ZPLD1: variants seen among roughly 807,000 people sequenced by gnomAD.
The protein encoded by ZPLD1 is zona pellucida-like domain-containing protein 1.
Under a neutral mutation model 47.2 loss-of-function variants are expected in ZPLD1, and 34 were observed. The observed-to-expected ratio is 0.72, with a 90% CI of 0.55 to 0.96. The LOEUF (loss-of-function observed/expected upper bound fraction) is 0.96, where lower values mean the gene tolerates loss of function less well. ZPLD1 is among the 40% of genes least tolerant of loss of function. The probability of loss-of-function intolerance (pLI) is 0.00; values close to 1 mark genes in which losing one functional copy is unlikely to be tolerated. For synonymous variants in ZPLD1, 176 were observed against 186.2 expected (o/e 0.95, Z 0.45); for missense variants, 512 against 505.8 (o/e 1.01, Z -0.12).
intron 7 of ZPLD1, among the ~76,000 whole-genome samples, chr3:102,410,090 T>C (rs868161410): frequency 4.6e-5 from 7 of 151,888 alleles, no homozygotes; most frequent in Admixed American, 1.3e-4. Context: ...CCTCCTGTTT[T>C]AATTTCATAT....
intron 8 of ZPLD1, among the ~76,000 whole-genome samples, chr3:102,425,126 C>G (rs915573169): frequency 1.3e-5 from 2 of 152,014 alleles, no homozygotes; most frequent in Non-Finnish European, 2.9e-5. Flanking sequence ...CTAATCTCTG[C>G]TCTTCTTCAA....
At chr3:102,417,187 C>T (rs914150990) in intron 7 of ZPLD1, among the ~76,000 whole-genome samples, 1 of 151,890 alleles carries the variant, frequency 6.6e-6, no homozygotes, top group African/African-American at 2.4e-5. Context: ...ACCGTTAGCG[C>T]AATGTGCTTT....
chr3:102,427,276 T>C (rs1043352353), intron 8 of ZPLD1, among the ~76,000 whole-genome samples: 1 of 152,160 alleles, frequency 6.6e-6, no homozygotes, highest in Non-Finnish European at 1.5e-5. Flanking sequence ...AATTTTAATT[T>C]TACCATTTTT....
chr3:102,470,521 C>G lies in ZPLD1; in HGVS notation c.1042+19C>G, dbSNP rs770200425. The stretch of plus-strand genomic sequence containing the variant: ...CGGAGTGGTAAGTGTGCTCCTCCTT[C>G]TGTATGTAGTAATAGACGGTTCCAA... On this transcript the variant is annotated intron_variant, in intron 10 of 11. Transcript: ENST00000466937. 8.7e-6 allele frequency: 14 copies of G among 1,601,636 alleles called. No homozygotes were observed. The South Asian group carries it at 1.5e-4, about 18-fold the overall frequency.
chr3:102,455,289 G>T (rs936429769), intron 4 of ZPLD1, among the ~76,000 whole-genome samples: 1 of 152,152 alleles, frequency 6.6e-6, no homozygotes, highest in Non-Finnish European at 1.5e-5. Context: ...GAACTCTCTG[G>T]TATTATGAAG....
chr3:102,396,716 A>G (rs1576124481), intron 7 of ZPLD1, among the ~76,000 whole-genome samples: 1 of 152,122 alleles, frequency 6.6e-6, no homozygotes, highest in Non-Finnish European at 1.5e-5. Context: ...GGTGCTGGCT[A>G]AAGCCTGAGC....
At chr3:102,467,636 G>A (rs1707616516) in intron 8 of ZPLD1, among the ~76,000 whole-genome samples, 1 of 151,792 alleles carries the variant, frequency 6.6e-6, no homozygotes, top group South Asian at 2.1e-4. Context: ...AAATAGTATT[G>A]GACCTATACT....
intron 8 of ZPLD1, among the ~76,000 whole-genome samples, chr3:102,419,227 T>A (rs1405755050): frequency 6.6e-6 from 1 of 152,014 alleles, no homozygotes; most frequent in Non-Finnish European, 1.5e-5. Context: ...TCTCTATTAT[T>A]TCATTTTTCA....
intron 11 of ZPLD1, 98 bp downstream of exon 11, chr3:102,477,139 T>A (rs1286061888): frequency 7.3e-6 from 10 of 1,371,360 alleles, no homozygotes; most frequent in Non-Finnish European, 9.3e-6. Flanking sequence ...GTTTTCCAAG[T>A]TTGGTCCATT....
chr3:102,470,801 C>T lies in ZPLD1; in HGVS notation c.1042+299C>T, dbSNP rs182975178. The stretch of plus-strand genomic sequence containing the variant: ...GTTTTATTTATTTATTTATTTGAGA[C>T]GGAGTGTCTCTCTGTTGTCCAGGCT... On this transcript the variant is annotated intron_variant, in intron 10 of 11. Coordinates refer to ENST00000466937, the MANE Select transcript of ZPLD1 (RefSeq NM_001329788.2). 3.3e-4 allele frequency among the ~76,000 whole-genome samples: 50 copies of T among 151,846 alleles called. 1 individual carries two copies. The highest frequency in any genetic ancestry group is 1.2e-3 in the African/African-American group (49 of 41,360).
intron 6 of ZPLD1, among the ~76,000 whole-genome samples, chr3:102,388,641 C>G (rs1050648355): frequency 6.6e-6 from 1 of 152,070 alleles, no homozygotes; most frequent in Admixed American, 6.6e-5. Flanking sequence ...AGTCTTGCCT[C>G]CAATACCTTA....
In ZPLD1 at chr3:102,478,595, C is replaced by T. The variant is rs1707794485; in HGVS notation, c.*977C>T. On this transcript the variant is annotated 3_prime_UTR_variant, in exon 12 of 12. Transcript: ENST00000466937. ...TTGGAATCTACATAAAAAGATATTC[C>T]TTCCCCCATATTTTCGATGCCAGGC... 1 of 149,224 alleles carries T rather than the reference C, an allele frequency of 6.7e-6. No individual in the cohort carries two copies. Among genetic ancestry groups the T allele is most frequent in the Non-Finnish European group, 1.5e-5 (1 of 66,940 alleles). 9.2% of individuals were successfully genotyped at this position (149,224 alleles called of 1,614,324 possible). A position where few individuals can be genotyped will look rare whatever the true frequency, so the allele number is the denominator to read the frequency against.
chr3:102,412,811 C>T (rs1475074483), intron 7 of ZPLD1, among the ~76,000 whole-genome samples: 2 of 151,376 alleles, frequency 1.3e-5, no homozygotes, highest in Non-Finnish European at 3.0e-5. Flanking sequence ...GTATATATCC[C>T]TATATATACA....
intron 3 of ZPLD1, among the ~76,000 whole-genome samples, chr3:102,445,130 C>T (rs1159507208): frequency 2.0e-5 from 3 of 152,166 alleles, no homozygotes; most frequent in Non-Finnish European, 2.9e-5. Flanking sequence ...TCTGCTTCCT[C>T]CGGGTATTAA....
intron 8 of ZPLD1, among the ~76,000 whole-genome samples, chr3:102,419,005 G>A (rs955041172): frequency 6.6e-6 from 1 of 151,976 alleles, no homozygotes; most frequent in South Asian, 2.1e-4. Context: ...CTATGTTCAT[G>A]TATTTGAGAT....
At chr3:102,422,509 AGAAT>A (rs1284208977) in intron 8 of ZPLD1, among the ~76,000 whole-genome samples, 2 of 152,074 alleles carry the variant, frequency 1.3e-5, no homozygotes, top group African/African-American at 4.8e-5. Context: ...CTGCTATTAT[AGAAT>A]GATGCATAGA....
At chr3:102,474,595 T>TG (rs1296997254) in intron 10 of ZPLD1, among the ~76,000 whole-genome samples, 2 of 151,688 alleles carry the variant, frequency 1.3e-5, no homozygotes, top group Middle Eastern at 3.2e-3. Context: ...GTTATTAAAG[T>TG]TTTTTAAAAA....
At chr3:102,448,375 T>G (rs1274353624) in intron 3 of ZPLD1, among the ~76,000 whole-genome samples, 1 of 152,236 alleles carries the variant, frequency 6.6e-6, no homozygotes, top group African/African-American at 2.4e-5. Flanking sequence ...GTGTAGCTGT[T>G]GAGAGCAACT....
At chr3:102,424,935 T>C (rs1041356154) in intron 8 of ZPLD1, among the ~76,000 whole-genome samples, 5 of 152,064 alleles carry the variant, frequency 3.3e-5, no homozygotes, top group Non-Finnish European at 5.9e-5. Context: ...GCAGGGCCTG[T>C]GGAACAAGGA....
Sources: gnomAD v4.1 joint callset for allele counts (sites outside exome capture counted in the v4.1 genomes callset) on GRCh38, gnomAD v4.1.1 for gene constraint, MANE v1.5 for transcripts, NCBI Gene and HGNC (gene_info 2026-07-23, HGNC 2026-07-21) for gene names.